SLC47A1: variants seen among roughly 807,000 people sequenced by gnomAD.
SLC47A1 encodes the protein multidrug and toxin extrusion protein 1.
A neutral mutation model predicts 65.8 loss-of-function variants in SLC47A1; 58 were observed. That is an observed-to-expected ratio of 0.88 (90% CI 0.71 to 1.10). SLC47A1 has a LOEUF of 1.10. SLC47A1 is among the 50% of genes least tolerant of loss of function. The pLI is 0.00. For synonymous variants in SLC47A1, 285 were observed against 295.0 expected, an observed-to-expected ratio of 0.97 and a Z score of 0.35; for missense variants, 706 against 719.2, an observed-to-expected ratio of 0.98 and a Z score of 0.21.
At position 19,577,447 on chromosome 17, in the gene SLC47A1, A is replaced by G; in HGVS notation, c.1607A>G (p.Lys536Arg). 2 of 1,614,156 alleles carry G rather than the reference A, an allele frequency of 1.2e-6. No individual in the cohort carries two copies. Among genetic ancestry groups the G allele is most frequent in the South Asian group, 1.1e-5 (1 of 91,084 alleles). The change falls in exon 17 of 17, where the codon AAA (lysine) becomes AGA (arginine). Residue 536 changes from lysine to arginine, a missense_variant. Lys to Arg is a conservative substitution (Grantham distance 26). Transcript: ENST00000270570. Reference protein sequence around the residue: ...PLPEHPQDGAKLSRKQLVLRR... With the variant: ...PLPEHPQDGARLSRKQLVLRR... Reference sequence around the variant, plus strand: ...CCGGAACATCCACAGGACGGCGCTAAATTGTCCAGGAAACAGCTGGTGCTG... The same window carrying G: ...CCGGAACATCCACAGGACGGCGCTAGATTGTCCAGGAAACAGCTGGTGCTG...
chr17:19,573,619 G>C (rs1418419631), intron 16 of SLC47A1, among the ~76,000 whole-genome samples: 1 of 152,026 alleles, frequency 6.6e-6, no homozygotes, highest in African/African-American at 2.4e-5. Context: ...TTGGGCTCAA[G>C]CGATCCTCCT....
At chr17:19,546,192 C>T (rs572960758) in intron 2 of SLC47A1, among the ~76,000 whole-genome samples, 3 of 152,200 alleles carry the variant, frequency 2.0e-5, no homozygotes, top group East Asian at 3.9e-4. Flanking sequence ...TGCACTCCAG[C>T]CTGGGCAACA....
chr17:19,569,058 G>T (rs111805518), intron 14 of SLC47A1, among the ~76,000 whole-genome samples: 3,120 of 152,070 alleles, frequency 0.021, 102 homozygotes, highest in African/African-American at 0.072. Flanking sequence ...TGCCGTCCTT[G>T]GCTCACCTAT....
In SLC47A1 at chr17:19,534,088, C is replaced by A. The variant is rs75393147; in HGVS notation, c.135+14C>A. 2.6e-6 allele frequency: 4 copies of A among 1,521,304 alleles called. No homozygotes were observed. The Admixed American group carries it at 8.4e-5, about 32-fold the overall frequency. The allele number at this position is 1,521,304 out of a possible 1,614,324, so 94.2% of individuals were successfully genotyped here. A position where few individuals can be genotyped will look rare whatever the true frequency, so the allele number is the denominator to read the frequency against. On this transcript the variant is annotated intron_variant, in intron 1 of 16. Coordinates refer to ENST00000270570, the MANE Select transcript of SLC47A1 (RefSeq NM_018242.3). Reference sequence around the variant, plus strand: ...GCTGGCCCCGCGGTGAGTAAGGTGGCCTCAGTGGCAGGCCGGTACCGGCGG... The same window carrying A: ...GCTGGCCCCGCGGTGAGTAAGGTGGACTCAGTGGCAGGCCGGTACCGGCGG...
rs1716902200 is a variant in SLC47A1, at chr17:19,572,830, T to C, written c.1455T>C (p.Asn485=). Residue 485 remains asparagine (N), a synonymous_variant, in exon 16 of 17, where the codon AAT becomes AAC. Coordinates refer to ENST00000270570, the MANE Select transcript of SLC47A1 (RefSeq NM_018242.3). Reference sequence around the variant, plus strand: ...TAAACAACGTGCCTCGGAGTGGGAATTCTGCTCTCCCTCAGGATCCGCTTC... The same window carrying C: ...TAAACAACGTGCCTCGGAGTGGGAACTCTGCTCTCCCTCAGGATCCGCTTC... The part of the protein sequence containing the change: ...LKVNNVPRSG[N]SALPQDPLHP... The C allele has an allele frequency of 6.2e-7, 1 of 1,614,056 alleles. No individual in the cohort carries two copies. Among genetic ancestry groups the C allele is most frequent in the Admixed American group, 1.7e-5 (1 of 59,994 alleles).
chr17:19,557,530 T>C (rs898541897), intron 10 of SLC47A1: 3 of 510,486 alleles, frequency 5.9e-6, no homozygotes, highest in Non-Finnish European at 1.2e-5. Context: ...TATACTTGTC[T>C]GATTATTTCT....
chr17:19,578,222 G>A lies in SLC47A1; in HGVS notation c.*669G>A, dbSNP rs1482776809. 1.1e-5 allele frequency: 4 copies of A among 350,158 alleles called. No individual in the cohort carries two copies. Among genetic ancestry groups the A allele is most frequent in the African/African-American group, 4.3e-5 (2 of 46,106 alleles). 21.7% of individuals were successfully genotyped at this position (350,158 alleles called of 1,614,324 possible). A position where few individuals can be genotyped will look rare whatever the true frequency, so the allele number is the denominator to read the frequency against. ...CTGAAAAACAGTTGGGAAATCTTTC[G>A]AGCTGTGGAAATCCAAACAAAGACT... On this transcript the variant is annotated 3_prime_UTR_variant, in exon 17 of 17. Transcript: ENST00000270570.
chr17:19,542,281 T>C, intron 1 of SLC47A1, 112 bp from the exon 2 acceptor site: 1 of 581,732 alleles, frequency 1.7e-6, no homozygotes, highest in Non-Finnish European at 2.9e-6. Flanking sequence ...CTCACTGAAG[T>C]TGTATTTCTT....
At chr17:19,575,840 T>G (rs960981020) in intron 16 of SLC47A1, among the ~76,000 whole-genome samples, 2 of 152,082 alleles carry the variant, frequency 1.3e-5, no homozygotes, top group Non-Finnish European at 2.9e-5. Flanking sequence ...ATAAGGCCGA[T>G]GAATAAGAGA....
chr17:19,561,470 C>T (rs541014768), intron 12 of SLC47A1, among the ~76,000 whole-genome samples: 15 of 151,726 alleles, frequency 9.9e-5, no homozygotes, highest in African/African-American at 3.4e-4. Flanking sequence ...GGTGAAACCC[C>T]GTCTCTACTA....
intron 2 of SLC47A1, among the ~76,000 whole-genome samples, chr17:19,542,722 G>GGACAT (rs1212258711): frequency 1.3e-5 from 2 of 151,882 alleles, no homozygotes; most frequent in Non-Finnish European, 2.9e-5. Context: ...TGGGGATTGG[G>GGACAT]CTGGGGACAT....
rs2084400435 is a variant in SLC47A1, at chr17:19,571,584, C to A, written c.1404+12C>A. ...AAGCCTGTCAGCAGGTAACTATGTT[C>A]ATTCTGTCCCGGTAAAGGTTCCTCT... On this transcript the variant is annotated intron_variant, in intron 15 of 16. Coordinates refer to ENST00000270570, the MANE Select transcript of SLC47A1 (RefSeq NM_018242.3). The A allele has an allele frequency of 1.1e-5, 17 of 1,603,630 alleles. No homozygotes were observed. In the East Asian group the frequency reaches 3.6e-4, roughly 34 times the overall value.
At chr17:19,536,006 G>A (rs977953101) in intron 1 of SLC47A1, among the ~76,000 whole-genome samples, 1 of 151,788 alleles carries the variant, frequency 6.6e-6, no homozygotes, top group African/African-American at 2.4e-5. Context: ...TTGATCTGTC[G>A]GCCAGGCTGG....
chr17:19,542,574 G>T lies in SLC47A1; in HGVS notation c.237+80G>T. The T allele has an allele frequency of 2.8e-5, 33 of 1,181,484 alleles. No individual in the cohort carries two copies. In the South Asian group the frequency reaches 4.8e-4, roughly 17 times the overall value. 73.2% of individuals were successfully genotyped at this position (1,181,484 alleles called of 1,614,324 possible). A position where few individuals can be genotyped will look rare whatever the true frequency, so the allele number is the denominator to read the frequency against. On this transcript the variant is annotated intron_variant, in intron 2 of 16. Transcript: ENST00000270570. Reference sequence around the variant, plus strand: ...TGCTACTATAACAAATCATCAAAATGTAGTGGCTGAAACCTACACAGACTT... The same window carrying T: ...TGCTACTATAACAAATCATCAAAATTTAGTGGCTGAAACCTACACAGACTT...
intron 12 of SLC47A1, among the ~76,000 whole-genome samples, chr17:19,560,740 G>T (rs1469170295): frequency 6.6e-6 from 1 of 151,728 alleles, no homozygotes; most frequent in African/African-American, 2.4e-5. Context: ...TTAGCTGGGT[G>T]TGGTGGCAGA....
At chr17:19,538,672 G>A (rs374174909) in intron 1 of SLC47A1, among the ~76,000 whole-genome samples, 3 of 152,180 alleles carry the variant, frequency 2.0e-5, no homozygotes, top group African/African-American at 2.4e-5. Flanking sequence ...GGCTAGTTGC[G>A]AAACCTCCTG....
chr17:19,539,166 C>G (rs1200612929), intron 1 of SLC47A1, among the ~76,000 whole-genome samples: 2 of 152,184 alleles, frequency 1.3e-5, no homozygotes, highest in Non-Finnish European at 2.9e-5. Context: ...TTGCCTCAGC[C>G]TCCCCAAGTG....
intron 1 of SLC47A1, among the ~76,000 whole-genome samples, chr17:19,537,734 C>A (rs534604325): frequency 2.7e-4 from 41 of 152,330 alleles, no homozygotes; most frequent in African/African-American, 9.9e-4. Context: ...GCCTCCTGCT[C>A]AGAACCCTTT....
rs1916667851 is a variant in SLC47A1 at position 19,557,947 on chromosome 17, A to G, written c.921+1885A>G. On this transcript the variant is annotated intron_variant, in intron 10 of 16. Transcript: ENST00000270570. ...AAAAGTGAAACAAAGGTACGATTTT[A>G]TGTCTTTTGAATATATTTCCATATG... 1.3e-5 allele frequency: 3 copies of G among 232,922 alleles called. No homozygotes were observed. The Admixed American group carries it at 1.5e-4, about 12-fold the overall frequency. The allele number at this position is 232,922 out of a possible 1,614,324, so 14.4% of individuals were successfully genotyped here. A position where few individuals can be genotyped will look rare whatever the true frequency, so the allele number is the denominator to read the frequency against.
Sources: gnomAD v4.1 joint callset for allele counts (sites outside exome capture counted in the v4.1 genomes callset) on GRCh38, gnomAD v4.1.1 for gene constraint, MANE v1.5 for transcripts, NCBI Gene and HGNC (gene_info 2026-07-23, HGNC 2026-07-21) for gene names.